Variants in PRKCE observed in about 807,000 individuals in gnomAD.
PRKCE encodes the protein protein kinase C epsilon type.
A neutral mutation model predicts 85.4 loss-of-function variants in PRKCE; 16 were observed. That is an observed-to-expected ratio of 0.19 (90% CI 0.13 to 0.28). The LOEUF is 0.28. Among genes scored for constraint, PRKCE ranks in the 10% least tolerant of loss-of-function variants. The pLI, the probability that PRKCE is intolerant of heterozygous loss-of-function variation, is 1.00. For missense variants in PRKCE, 573 were observed against 975.2 expected (o/e 0.59, Z 5.49); for synonymous variants, 388 against 371.5 (o/e 1.04, Z -0.51).
At chr2:46,054,578 C>T (rs1026377824) in intron 10 of PRKCE, among the ~76,000 whole-genome samples, 10 of 152,178 alleles carry the variant, frequency 6.6e-5, no homozygotes, top group African/African-American at 2.4e-4. Context: ...ATAACTGCAA[C>T]CCCAACCATA....
intron 1 of PRKCE, among the ~76,000 whole-genome samples, chr2:45,775,729 C>T (rs150319308): frequency 1.3e-5 from 2 of 152,326 alleles, no homozygotes; most frequent in East Asian, 3.9e-4. Flanking sequence ...CCTCAGCCAG[C>T]ATGATCCTCG....
At chr2:46,148,150 C>G (rs993557077) in intron 12 of PRKCE, among the ~76,000 whole-genome samples, 1 of 152,216 alleles carries the variant, frequency 6.6e-6, no homozygotes, top group African/African-American at 2.4e-5. Context: ...TTTCCCACTC[C>G]CAGCCCCTGC....
At chr2:46,105,818 A>G (rs1355378704) in intron 11 of PRKCE, among the ~76,000 whole-genome samples, 1 of 152,242 alleles carries the variant, frequency 6.6e-6, no homozygotes, top group South Asian at 2.1e-4. Context: ...TTATACTAAT[A>G]CAGTATGCAG....
chr2:45,972,027 A>G (rs1426839559), intron 2 of PRKCE, among the ~76,000 whole-genome samples: 3 of 152,178 alleles, frequency 2.0e-5, no homozygotes, highest in Non-Finnish European at 2.9e-5. Context: ...TTCGTTTCTT[A>G]AGAAACCTCG....
chr2:45,945,994 C>T (rs1179606701), intron 2 of PRKCE, among the ~76,000 whole-genome samples: 1 of 152,248 alleles, frequency 6.6e-6, no homozygotes, highest in Non-Finnish European at 1.5e-5. Flanking sequence ...CAGTGCAGTG[C>T]TCTGCATGTA....
intron 1 of PRKCE, among the ~76,000 whole-genome samples, chr2:45,740,902 G>A (rs1416405255): frequency 6.6e-6 from 1 of 152,186 alleles, no homozygotes; most frequent in African/African-American, 2.4e-5. Context: ...CTTCTGCTCA[G>A]TGAAAGTCTT....
At chr2:45,964,118 A>G (rs1701573370) in intron 2 of PRKCE, among the ~76,000 whole-genome samples, 1 of 152,210 alleles carries the variant, frequency 6.6e-6, no homozygotes, top group Non-Finnish European at 1.5e-5. Flanking sequence ...TTAGGGTTGC[A>G]GTGCCTATGG....
At chr2:45,856,546 C>T (rs982850535) in intron 2 of PRKCE, among the ~76,000 whole-genome samples, 3 of 152,170 alleles carry the variant, frequency 2.0e-5, no homozygotes, top group African/African-American at 7.2e-5. Context: ...TCATTTCTTC[C>T]TGTTAATAGC....
intron 2 of PRKCE, among the ~76,000 whole-genome samples, chr2:45,903,881 G>GTTTTTTTTTT (rs34124689): frequency 1.3e-3 from 155 of 117,094 alleles, no homozygotes; most frequent in Non-Finnish European, 1.7e-3. Flanking sequence ...TAGCCTGGCA[G>GTTTTTTTTTT]TTTTTTTTTG....
intron 2 of PRKCE, among the ~76,000 whole-genome samples, chr2:45,900,916 T>C (rs552363313): frequency 2.0e-5 from 3 of 152,186 alleles, no homozygotes; most frequent in African/African-American, 7.2e-5. Context: ...TGAGGAGAGA[T>C]GAACAATACA....
At chr2:46,078,616 C>G (rs537867337) in intron 10 of PRKCE, 3 of 152,096 alleles carry the variant, frequency 2.0e-5, no homozygotes, top group African/African-American at 7.2e-5. Context: ...TGTCTCCTTC[C>G]TACCTATGTC....
At chr2:45,964,668 C>T (rs943737059) in intron 2 of PRKCE, among the ~76,000 whole-genome samples, 6 of 152,228 alleles carry the variant, frequency 3.9e-5, no homozygotes, top group African/African-American at 7.2e-5. Flanking sequence ...TAGAGGCTAG[C>T]AGGCTTCCTG....
chr2:45,876,104 AGTACCT>A (rs1264238623), intron 2 of PRKCE, among the ~76,000 whole-genome samples: 12 of 152,300 alleles, frequency 7.9e-5, no homozygotes, highest in Admixed American at 7.2e-4. Flanking sequence ...GACATTACTG[AGTACCT>A]GTATTTAAGA....
chr2:45,971,440 G>A (rs886492130), intron 2 of PRKCE, among the ~76,000 whole-genome samples: 3 of 151,952 alleles, frequency 2.0e-5, no homozygotes, highest in Admixed American at 6.6e-5. Context: ...TTTTATTTAC[G>A]TCAAGGTAGA....
At chr2:45,843,233 C>G (rs1272196559) in intron 2 of PRKCE, among the ~76,000 whole-genome samples, 170 bp downstream of exon 2, 2 of 152,170 alleles carry the variant, frequency 1.3e-5, no homozygotes, top group Non-Finnish European at 2.9e-5. Flanking sequence ...CCAAAAGGGA[C>G]CAGCCATCTG....
At chr2:46,035,471 C>A (rs1023429477) in intron 10 of PRKCE, among the ~76,000 whole-genome samples, 1 of 152,212 alleles carries the variant, frequency 6.6e-6, no homozygotes, top group Non-Finnish European at 1.5e-5. Flanking sequence ...CTTCCCAGTC[C>A]CTGCCTGCTC....
intron 1 of PRKCE, among the ~76,000 whole-genome samples, chr2:45,792,953 C>T (rs951055514): frequency 6.6e-6 from 1 of 152,176 alleles, no homozygotes; most frequent in East Asian, 1.9e-4. Flanking sequence ...CACCCGCCAC[C>T]ACTTCTGGCT....
chr2:45,791,202 C>G (rs993556874), intron 1 of PRKCE, among the ~76,000 whole-genome samples: 1 of 152,212 alleles, frequency 6.6e-6, no homozygotes, highest in Admixed American at 6.5e-5. Flanking sequence ...TCATTCCCAC[C>G]TAATCAGCCC....
At chr2:45,842,935 T>C (rs1691476481) in intron 1 of PRKCE, 65 bp from the exon 2 acceptor site, 9 of 1,445,696 alleles carry the variant, frequency 6.2e-6, no homozygotes, top group Non-Finnish European at 7.8e-6. Flanking sequence ...GGTAGAAATG[T>C]TGTGGAACTC....
Sources: allele counts gnomAD v4.1 joint callset (sites outside exome capture counted in the v4.1 genomes callset), GRCh38; gene constraint gnomAD v4.1.1; transcripts MANE v1.5; gene names NCBI Gene and HGNC (gene_info 2026-07-23, HGNC 2026-07-21).